The following STAU2 variants were observed in gnomAD, a reference collection of about 807,000 sequenced individuals.
STAU2 encodes double-stranded RNA-binding protein Staufen homolog 2.
A neutral mutation model predicts 65.9 loss-of-function variants in STAU2; 20 were observed. That is an observed-to-expected ratio of 0.30 (90% CI 0.21 to 0.44). The LOEUF (loss-of-function observed/expected upper bound fraction) is 0.44, where lower values mean the gene tolerates loss of function less well. STAU2 is among the 20% of genes least tolerant of loss of function. The pLI is 1.00. For synonymous variants in STAU2, 232 were observed against 233.9 expected (o/e 0.99, Z 0.07); for missense variants, 558 against 683.9 (o/e 0.82, Z 2.05).
chr8:73,707,437 T>C (rs1820589039), intron 4 of STAU2, among the ~76,000 whole-genome samples: 3 of 151,990 alleles, frequency 2.0e-5, no homozygotes, highest in Admixed American at 2.0e-4. Context: ...GAGAACAAGA[T>C]CACCGGAGAT....
At chr8:73,531,009 G>A (rs1208843108) in intron 13 of STAU2, among the ~76,000 whole-genome samples, 1 of 152,192 alleles carries the variant, frequency 6.6e-6, no homozygotes, top group Non-Finnish European at 1.5e-5. Flanking sequence ...AAACCAGGAT[G>A]AGTAGCAGCT....
At chr8:73,527,529 T>G in intron 13 of STAU2, 1 of 460,608 alleles carries the variant, frequency 2.2e-6, no homozygotes, top group South Asian at 5.7e-5. Context: ...GATATCAATT[T>G]CCCAACACAA....
chr8:73,613,867 G>A lies in STAU2; in HGVS notation c.768C>T (p.Ser256=). 1.1e-5 allele frequency: 18 copies of A among 1,613,672 alleles called. No individual in the cohort carries two copies. Among genetic ancestry groups the A allele is most frequent in the Non-Finnish European group, 1.4e-5 (17 of 1,179,862 alleles). The stretch of plus-strand genomic sequence containing the variant: ...CAGCGCGCTTCTTGGAGAGTTTTTT[G>A]CTATTTCCTTCTCCTTCTGCAGAGA... ...GEFSAEGEGN[S]KKLSKKRAAT... Residue 256 remains serine (S), a synonymous_variant, in exon 9 of 15, where the codon AGC becomes AGT. Transcript: ENST00000524300.
chr8:73,666,891 C>A (rs1439002725), intron 6 of STAU2, among the ~76,000 whole-genome samples: 1 of 152,148 alleles, frequency 6.6e-6, no homozygotes. Flanking sequence ...TACCTCTTGC[C>A]ACGTCTACTT....
At position 73,596,183 on chromosome 8, in the gene STAU2, C is replaced by T. The variant is rs186190818; in HGVS notation, c.1030-886G>A. Among the ~76,000 whole-genome samples, 24 of 151,696 alleles carry T rather than the reference C, an allele frequency of 1.6e-4. No individual in the cohort carries two copies. The East Asian group carries it at 2.1e-3, about 13-fold the overall frequency. On this transcript the variant is annotated intron_variant, in intron 10 of 14. Transcript: ENST00000524300. ...TCAACTCTATTATTTCCTAGCTGTA[C>T]GAACTGGTACAAATTATTTAATATC...
At chr8:73,687,244 A>ATTTC (rs1180557132) in intron 5 of STAU2, among the ~76,000 whole-genome samples, 12 of 95,484 alleles carry the variant, frequency 1.3e-4, no homozygotes, top group Admixed American at 5.8e-4. Context: ...ATTAATTTAA[A>ATTTC]TATAAATTAA....
At chr8:73,534,404 T>A (rs976256659) in intron 13 of STAU2, among the ~76,000 whole-genome samples, 21 of 152,220 alleles carry the variant, frequency 1.4e-4, no homozygotes, top group Non-Finnish European at 2.8e-4. Flanking sequence ...AATAAGTAGA[T>A]TAAGTTGGTT....
At chr8:73,431,427 A>G (rs1423218609) in intron 13 of STAU2, among the ~76,000 whole-genome samples, 1 of 152,252 alleles carries the variant, frequency 6.6e-6, no homozygotes, top group Non-Finnish European at 1.5e-5. Flanking sequence ...GAAAAATTAA[A>G]GAAGCATTTT....
intron 3 of STAU2, among the ~76,000 whole-genome samples, chr8:73,711,127 C>T (rs1391628739): frequency 1.4e-5 from 1 of 70,802 alleles, no homozygotes; most frequent in Non-Finnish European, 2.4e-5. Flanking sequence ...TTGTAAGTGG[C>T]TTGCAAAAAA....
chr8:73,591,234 T>C (rs1341557564), intron 11 of STAU2, among the ~76,000 whole-genome samples: 2 of 151,820 alleles, frequency 1.3e-5, no homozygotes, highest in African/African-American at 4.8e-5. Context: ...CTAAAATGTA[T>C]AGCCACAATA....
At chr8:73,643,999 A>G (rs1423320392) in intron 6 of STAU2, among the ~76,000 whole-genome samples, 1 of 152,256 alleles carries the variant, frequency 6.6e-6, no homozygotes, top group Admixed American at 6.5e-5. Context: ...GGAACTAAGA[A>G]GGCAAAATGA....
chr8:73,473,152 G>A (rs1820126076), intron 13 of STAU2, among the ~76,000 whole-genome samples: 1 of 152,122 alleles, frequency 6.6e-6, no homozygotes, highest in South Asian at 2.1e-4. Context: ...CTGGCAGGCC[G>A]AGCAGTCAAT....
intron 13 of STAU2, among the ~76,000 whole-genome samples, chr8:73,535,934 C>T (rs954561796): frequency 2.0e-5 from 3 of 152,006 alleles, no homozygotes; most frequent in Non-Finnish European, 4.4e-5. Context: ...CCTTACAAAT[C>T]TTATTATATA....
chr8:73,734,869 A>G (rs951097143), intron 3 of STAU2, among the ~76,000 whole-genome samples: 2 of 152,178 alleles, frequency 1.3e-5, no homozygotes, highest in African/African-American at 2.4e-5. Flanking sequence ...AAAATGTAGT[A>G]CTAATCCTAG....
At chr8:73,663,020 G>T (rs1368682460) in intron 6 of STAU2, among the ~76,000 whole-genome samples, 1 of 152,022 alleles carries the variant, frequency 6.6e-6, no homozygotes, top group Non-Finnish European at 1.5e-5. Context: ...AATTTTGAAA[G>T]AATTAAATTG....
intron 4 of STAU2, among the ~76,000 whole-genome samples, chr8:73,703,546 A>G (rs1280251383): frequency 6.6e-6 from 1 of 152,230 alleles, no homozygotes; most frequent in Non-Finnish European, 1.5e-5. Flanking sequence ...AAAAAGCTAA[A>G]AACAACCAAA....
chr8:73,432,035 TTGTC>T (rs1325447207), intron 13 of STAU2, among the ~76,000 whole-genome samples: 5 of 152,244 alleles, frequency 3.3e-5, no homozygotes, highest in Non-Finnish European at 7.3e-5. Context: ...TCTTTTTATT[TTGTC>T]TTTTTCCATT....
chr8:73,644,378 G>A (rs1229967256), intron 6 of STAU2, among the ~76,000 whole-genome samples: 1 of 151,936 alleles, frequency 6.6e-6, no homozygotes, highest in Non-Finnish European at 1.5e-5. Context: ...CCAGGAGTTT[G>A]GGGCTGCAGT....
At chr8:73,545,066 A>G (rs1052743799) in intron 13 of STAU2, among the ~76,000 whole-genome samples, 7 of 152,196 alleles carry the variant, frequency 4.6e-5, no homozygotes, top group Non-Finnish European at 1.0e-4. Flanking sequence ...ATCAGTTCCA[A>G]TGTTCAACGG....
Sources: gnomAD v4.1 joint callset for allele counts (sites outside exome capture counted in the v4.1 genomes callset) on GRCh38, gnomAD v4.1.1 for gene constraint, MANE v1.5 for transcripts, NCBI Gene and HGNC (gene_info 2026-07-23, HGNC 2026-07-21) for gene names.